Variants in CUL2 observed in about 807,000 individuals in gnomAD.
The protein encoded by CUL2 is cullin-2.
In CUL2, 22 loss-of-function variants were observed where a neutral mutation model predicts 110.2. The observed-to-expected ratio is 0.20, with a 90% CI of 0.14 to 0.28. The LOEUF is 0.28. CUL2 is among the 10% of genes least tolerant of loss of function. The pLI is 1.00. For synonymous variants in CUL2, 279 were observed against 293.2 expected (o/e 0.95, Z 0.49); for missense variants, 631 against 905.5 (o/e 0.70, Z 3.89).
intron 1 of CUL2, among the ~76,000 whole-genome samples, chr10:35,103,320 T>TA (rs1230422050): frequency 2.2e-4 from 25 of 114,514 alleles, no homozygotes; most frequent in African/African-American, 3.7e-4. Flanking sequence ...TTTTTTTTTT[T>TA]TTTTTTTTTT....
chr10:35,044,501 G>T, intron 8 of CUL2, 65 bp downstream of exon 8: 4 of 946,486 alleles, frequency 4.2e-6, no homozygotes, highest in Non-Finnish European at 4.6e-6. Context: ...AACTAAGAAC[G>T]ATGTTAAATA....
chr10:35,077,541 G>C (rs929322925), intron 1 of CUL2, among the ~76,000 whole-genome samples: 3 of 151,878 alleles, frequency 2.0e-5, no homozygotes, highest in Non-Finnish European at 4.4e-5. Flanking sequence ...AATGAGGCCA[G>C]ATGTGGTGGC....
chr10:35,080,079 T>C (rs2086908836), intron 1 of CUL2, among the ~76,000 whole-genome samples: 1 of 152,156 alleles, frequency 6.6e-6, no homozygotes, highest in Non-Finnish European at 1.5e-5. Context: ...CCATTGACCG[T>C]GGGTAACTAA....
chr10:35,045,645 G>T (rs1388858262), intron 6 of CUL2, among the ~76,000 whole-genome samples: 1 of 151,912 alleles, frequency 6.6e-6, no homozygotes, highest in African/African-American at 2.4e-5. Context: ...AGCCCAGGAG[G>T]AGTCGAGGCT....
chr10:35,039,323 A>G (rs2085716320), intron 8 of CUL2, among the ~76,000 whole-genome samples: 2 of 152,238 alleles, frequency 1.3e-5, no homozygotes, highest in Admixed American at 1.3e-4. Flanking sequence ...AATAGTCTGC[A>G]TTTTGTCTTC....
At chr10:35,051,091 G>A (rs756332152) in intron 5 of CUL2, among the ~76,000 whole-genome samples, 1 of 152,004 alleles carries the variant, frequency 6.6e-6, no homozygotes, top group Non-Finnish European at 1.5e-5. Flanking sequence ...TGAGACGGGC[G>A]GATCACGAGG....
intron 1 of CUL2, among the ~76,000 whole-genome samples, chr10:35,116,310 A>G (rs2135139285): frequency 6.6e-6 from 1 of 152,198 alleles, no homozygotes; most frequent in East Asian, 1.9e-4. Flanking sequence ...ATGCCACTGC[A>G]CTCCAGCCTG....
At chr10:35,077,136 A>G (rs993532776) in intron 1 of CUL2, among the ~76,000 whole-genome samples, 7 of 152,204 alleles carry the variant, frequency 4.6e-5, no homozygotes, top group Non-Finnish European at 8.8e-5. Flanking sequence ...AATGCAATAT[A>G]TCCATACAAT....
intron 1 of CUL2, among the ~76,000 whole-genome samples, chr10:35,117,690 T>A (rs2087626105): frequency 6.6e-6 from 1 of 152,232 alleles, no homozygotes; most frequent in African/African-American, 2.4e-5. Flanking sequence ...CTGCTACATG[T>A]GAGTGGTGTA....
chr10:35,080,842 G>T (rs1184428116), intron 1 of CUL2, among the ~76,000 whole-genome samples: 1 of 152,158 alleles, frequency 6.6e-6, no homozygotes, highest in Non-Finnish European at 1.5e-5. Flanking sequence ...AATGTATACT[G>T]CAGGAAAACA....
chr10:35,015,873 T>C (rs1211878577), intron 18 of CUL2, among the ~76,000 whole-genome samples: 2 of 152,180 alleles, frequency 1.3e-5, no homozygotes, highest in Admixed American at 6.6e-5. Flanking sequence ...ACCAAAAACC[T>C]GGAAAGTCTT....
rs559089427 is a variant in CUL2, at chr10:35,078,208, C to G, written c.-22-6869G>C. ...ACTGTCCCTAAATGTGATGTGTTAA[C>G]ATAGCCTGACAAAATGTCCACCCCT... is the stretch of plus-strand genomic sequence containing the variant. On this transcript the variant is annotated intron_variant, in intron 1 of 20. Transcript: ENST00000374749. Among the ~76,000 whole-genome samples the G allele has an allele frequency of 5.3e-5, 8 of 152,084 alleles. No homozygotes were observed. In the South Asian group the frequency reaches 1.7e-3, roughly 32 times the overall value.
intron 17 of CUL2, among the ~76,000 whole-genome samples, chr10:35,023,332 A>T (rs1323665226): frequency 6.6e-6 from 1 of 152,166 alleles, no homozygotes. Context: ...AAAACAAAAA[A>T]ATAAACTTAT....
intron 17 of CUL2, among the ~76,000 whole-genome samples, chr10:35,022,304 C>G (rs568381479): frequency 1.3e-5 from 2 of 152,320 alleles, no homozygotes; most frequent in East Asian, 3.9e-4. Context: ...AGCCACAGGT[C>G]TTCTGATTCT....
Position 35,041,418 on chromosome 10 carries a change from G to A in CUL2, c.715-2336C>T, listed in dbSNP as rs183817370. ...GAAAGGCCAAAGCTATAAGAGGAAC[G>A]CAGCAAGGAGGCAGGAAGGCTGTAC... On this transcript the variant is annotated intron_variant, in intron 8 of 20. Transcript: ENST00000374749. 2.8e-4 allele frequency among the ~76,000 whole-genome samples: 42 copies of A among 152,284 alleles called. 1 individual carries two copies. In the South Asian group the frequency reaches 7.7e-3, roughly 28 times the overall value.
intron 16 of CUL2, among the ~76,000 whole-genome samples, chr10:35,027,998 C>T (rs148701693): frequency 0.013 from 2,055 of 152,292 alleles, 18 homozygotes; most frequent in Non-Finnish European, 0.018. Context: ...AGCTCCTATT[C>T]TCTCCCTTAA....
chr10:35,037,958 A>T (rs1476910901), intron 9 of CUL2, among the ~76,000 whole-genome samples: 13 of 151,828 alleles, frequency 8.6e-5, no homozygotes, highest in Non-Finnish European at 1.5e-5. Flanking sequence ...GCTCAAGACC[A>T]GGAGGCCAAC....
At chr10:35,080,436 TA>T (rs2086917904) in intron 1 of CUL2, among the ~76,000 whole-genome samples, 12 of 61,930 alleles carry the variant, frequency 1.9e-4, no homozygotes, top group African/African-American at 5.1e-4. Context: ...TTCCTATTTT[TA>T]TTTATTTATT....
chr10:35,117,818 G>C (rs140596254), intron 1 of CUL2, among the ~76,000 whole-genome samples: 104 of 152,296 alleles, frequency 6.8e-4, no homozygotes, highest in African/African-American at 2.5e-3. Context: ...AAATTACACT[G>C]CATTACATGT....
Sources: allele counts gnomAD v4.1 joint callset (sites outside exome capture counted in the v4.1 genomes callset), GRCh38; gene constraint gnomAD v4.1.1; transcripts MANE v1.5; gene names NCBI Gene and HGNC (gene_info 2026-07-23, HGNC 2026-07-21).